Variants in PPARGC1A observed in about 807,000 individuals in gnomAD.
The protein encoded by PPARGC1A is PPARG coactivator 1 alpha.
In PPARGC1A, 25 loss-of-function variants were observed where a neutral mutation model predicts 88.7. The ratio of observed to expected loss-of-function variants is 0.28; its 90% CI spans 0.21 to 0.39. PPARGC1A has a LOEUF of 0.39. Ranked by LOEUF, PPARGC1A falls within the 10% of genes least tolerant of loss-of-function variation. The pLI is 1.00. For missense variants in PPARGC1A, 880 were observed against 968.7 expected, an observed-to-expected ratio of 0.91 and a Z score of 1.22; for synonymous variants, 363 against 355.6, an observed-to-expected ratio of 1.02 and a Z score of -0.24.
Position 23,813,013 on chromosome 4 carries a change from C to T in PPARGC1A, c.1898+8G>A. The T allele has an allele frequency of 6.2e-7, 1 of 1,613,666 alleles. No individual in the cohort carries two copies. Among genetic ancestry groups the T allele is most frequent in the South Asian group, 1.1e-5 (1 of 91,070 alleles). On this transcript the variant is annotated splice_region_variant and intron_variant, in intron 9 of 12. Transcript: ENST00000264867. ...AGGGAGCTAAAGGAAAATGACATGC[C>T]TCATTACCTGGGCCGACGGCTGTAG... is the stretch of plus-strand genomic sequence containing the variant.
chr4:23,936,065 T>C, the PPARGC1A span, among the ~76,000 whole-genome samples: 1 of 152,188 alleles, frequency 6.6e-6, no homozygotes, highest in African/African-American at 2.4e-5. Context: ...CCTATGTACA[T>C]CGAGGAAAAA....
At chr4:24,219,291 G>A in the PPARGC1A span, among the ~76,000 whole-genome samples, 1 of 152,218 alleles carries the variant, frequency 6.6e-6, no homozygotes, top group African/African-American at 2.4e-5. Flanking sequence ...TTGAACTCTT[G>A]TTATCTGGCA....
At chr4:23,867,341 C>T (rs1236722942) in intron 2 of PPARGC1A, among the ~76,000 whole-genome samples, 1 of 152,176 alleles carries the variant, frequency 6.6e-6, no homozygotes, top group Admixed American at 6.5e-5. Context: ...ATTATGCGCA[C>T]TTAAATTAGT....
At chr4:23,986,118 G>A in the PPARGC1A span, among the ~76,000 whole-genome samples, 2 of 151,978 alleles carry the variant, frequency 1.3e-5, no homozygotes, top group African/African-American at 2.4e-5. Flanking sequence ...GGTAAGTTAT[G>A]TATTAAAGAC....
Position 23,813,987 on chromosome 4 carries a change from A to G in PPARGC1A, c.1496T>C (p.Met499Thr), listed in dbSNP as rs1238467551. The change falls in exon 8 of 13, where the codon ATG becomes ACG. Residue 499 changes from methionine (M) to threonine (T), a missense_variant. Coordinates refer to ENST00000264867, the MANE Select transcript of PPARGC1A (RefSeq NM_013261.5). ...FSNEQFSKLPMFINSGLAMDG... is the reference protein window; with the variant it reads ...FSNEQFSKLPTFINSGLAMDG... ...CATGGCTAGTCCTGAATTTATAAACATAGGTAGTTTGGAGAATTGTTCATT... is the reference window on the plus strand; with the variant it reads ...CATGGCTAGTCCTGAATTTATAAACGTAGGTAGTTTGGAGAATTGTTCATT... 6.2e-7 allele frequency: 1 copy of G among 1,613,984 alleles called. No homozygotes were observed. The highest frequency in any genetic ancestry group is 8.5e-7 in the Non-Finnish European group (1 of 1,179,992).
chr4:24,097,153 A>G, the PPARGC1A span, among the ~76,000 whole-genome samples: 3 of 152,304 alleles, frequency 2.0e-5, no homozygotes, highest in East Asian at 5.8e-4. Flanking sequence ...AGCAACTAAA[A>G]AATAGTTTTC....
the PPARGC1A span, among the ~76,000 whole-genome samples, chr4:24,134,098 T>C: frequency 8.5e-4 from 129 of 152,266 alleles, 1 homozygote; most frequent in South Asian, 7.0e-3. Context: ...CCCAAACACA[T>C]AAAAGGTGAT....
intron 1 of PPARGC1A, among the ~76,000 whole-genome samples, chr4:23,895,978 GTGTATATA>G (rs756032063): frequency 0.096 from 3,907 of 40,590 alleles, 145 homozygotes; most frequent in African/African-American, 0.29. Flanking sequence ...GTGTGTGTGT[GTGTATATA>G]TATATACACA....
the PPARGC1A span, among the ~76,000 whole-genome samples, chr4:24,148,733 A>C: frequency 6.6e-6 from 1 of 152,320 alleles, no homozygotes; most frequent in East Asian, 1.9e-4. Flanking sequence ...AAACATGCTA[A>C]GTCAGGTGAA....
chr4:24,384,333 C>A, the PPARGC1A span, among the ~76,000 whole-genome samples: 1 of 151,972 alleles, frequency 6.6e-6, no homozygotes, highest in Non-Finnish European at 1.5e-5. Context: ...AACTAACAGG[C>A]AAAATAACCA....
At chr4:24,380,020 C>T in the PPARGC1A span, among the ~76,000 whole-genome samples, 8 of 152,090 alleles carry the variant, frequency 5.3e-5, no homozygotes, top group South Asian at 6.2e-4. Flanking sequence ...TCAGGTGATC[C>T]GCCTGTTCGG....
At chr4:24,206,129 G>A in the PPARGC1A span, among the ~76,000 whole-genome samples, 1 of 152,118 alleles carries the variant, frequency 6.6e-6, no homozygotes, top group African/African-American at 2.4e-5. Context: ...ACAAGCCTTT[G>A]CTAAAGATGT....
the PPARGC1A span, among the ~76,000 whole-genome samples, chr4:24,152,796 T>C: frequency 2.6e-5 from 4 of 152,336 alleles, no homozygotes; most frequent in Admixed American, 6.5e-5. Flanking sequence ...AAGTTAACTG[T>C]TGAAACTAAA....
At chr4:24,407,430 A>G in the PPARGC1A span, among the ~76,000 whole-genome samples, 1 of 152,182 alleles carries the variant, frequency 6.6e-6, no homozygotes, top group Non-Finnish European at 1.5e-5. Flanking sequence ...GAATAATGCA[A>G]TGAGTGGGAG....
chr4:24,223,779 T>G, the PPARGC1A span, among the ~76,000 whole-genome samples: 1 of 152,222 alleles, frequency 6.6e-6, no homozygotes, highest in South Asian at 2.1e-4. Context: ...TACAACCACA[T>G]TAAATTTTAT....
chr4:23,919,190 A>C, the PPARGC1A span, among the ~76,000 whole-genome samples: 1 of 152,218 alleles, frequency 6.6e-6, no homozygotes, highest in Non-Finnish European at 1.5e-5. Context: ...AGCACCAAGC[A>C]TACTCCTAGC....
the PPARGC1A span, among the ~76,000 whole-genome samples, chr4:23,999,073 G>T: frequency 6.6e-6 from 1 of 152,110 alleles, no homozygotes; most frequent in African/African-American, 2.4e-5. Context: ...CCTATGTTTC[G>T]TTTGGGCTGG....
At chr4:24,032,457 G>C in the PPARGC1A span, among the ~76,000 whole-genome samples, 4 of 152,170 alleles carry the variant, frequency 2.6e-5, no homozygotes, top group Admixed American at 2.6e-4. Context: ...TGACCACTGA[G>C]CTACCATTCC....
At chr4:24,176,711 G>A in the PPARGC1A span, among the ~76,000 whole-genome samples, 1,655 of 152,008 alleles carry the variant, frequency 0.011, 25 homozygotes, top group African/African-American at 0.038. Flanking sequence ...CATAACCCCA[G>A]AATAATAATA....
Sources: allele counts gnomAD v4.1 joint callset (sites outside exome capture counted in the v4.1 genomes callset), GRCh38; gene constraint gnomAD v4.1.1; transcripts MANE v1.5; gene names NCBI Gene and HGNC (gene_info 2026-07-23, HGNC 2026-07-21).